The following HNRNPF variants were observed in gnomAD, a reference collection of about 807,000 sequenced individuals.
HNRNPF encodes heterogeneous nuclear ribonucleoprotein F.
HNRNPF carries 2 observed loss-of-function variants against 26.0 expected under a neutral mutation model. That is an observed-to-expected ratio of 0.08 (90% CI 0.03 to 0.24). The LOEUF is 0.24. HNRNPF is among the 10% of genes least tolerant of loss of function. HNRNPF has a pLI of 1.00. For missense variants in HNRNPF, 299 were observed against 539.2 expected, an observed-to-expected ratio of 0.55 and a Z score of 4.41; for synonymous variants, 234 against 211.5, an observed-to-expected ratio of 1.11 and a Z score of -0.92.
rs745877705 is a variant in HNRNPF, at chr10:43,386,613, G to A, written c.*24C>T. On this transcript the variant is annotated 3_prime_UTR_variant, in exon 4 of 4. Coordinates refer to ENST00000682386, the MANE Select transcript of HNRNPF (RefSeq NM_001098204.2). ...TTGGCTGCCTGTGAAAATGATTGAA[G>A]TAACTCAAATGTTCCTAACAAAACT... is the stretch of plus-strand genomic sequence containing the variant. 3 of 1,511,812 alleles carry A rather than the reference G, an allele frequency of 2.0e-6. No homozygotes were observed. The highest frequency in any genetic ancestry group is 1.4e-5 in the African/African-American group (1 of 71,578). The allele number at this position is 1,511,812 out of a possible 1,614,324, so 93.6% of individuals were successfully genotyped here.
At chr10:43,392,368 G>A (rs1036873417) in intron 3 of HNRNPF, among the ~76,000 whole-genome samples, 33 of 152,196 alleles carry the variant, frequency 2.2e-4, no homozygotes, top group Non-Finnish European at 1.8e-4. Context: ...GTGAAACCCC[G>A]TCTCTACTAA....
intron 1 of HNRNPF, among the ~76,000 whole-genome samples, chr10:43,406,898 T>G: frequency 6.6e-6 from 1 of 152,142 alleles, no homozygotes; most frequent in South Asian, 2.1e-4. Flanking sequence ...GCAATCTCTC[T>G]CTTAATATTC....
At chr10:43,389,610 G>A (rs186444503) in intron 3 of HNRNPF, among the ~76,000 whole-genome samples, 111 of 152,244 alleles carry the variant, frequency 7.3e-4, no homozygotes, top group African/African-American at 2.4e-3. Context: ...AAATTTACCT[G>A]TGTCTACACC....
At chr10:43,389,843 G>C (rs61860887) in intron 3 of HNRNPF, among the ~76,000 whole-genome samples, 4,253 of 152,312 alleles carry the variant, frequency 0.028, 96 homozygotes, top group South Asian at 0.041. Flanking sequence ...TCTGGGAAGA[G>C]AGTCAAGGGG....
At chr10:43,395,761 A>G (rs1838466692) in intron 2 of HNRNPF, among the ~76,000 whole-genome samples, 1 of 152,182 alleles carries the variant, frequency 6.6e-6, no homozygotes, top group Non-Finnish European at 1.5e-5. Flanking sequence ...GCCCTTGTTT[A>G]TCCCTGCGTG....
At chr10:43,389,934 T>C (rs1429720592) in intron 3 of HNRNPF, among the ~76,000 whole-genome samples, 5 of 152,216 alleles carry the variant, frequency 3.3e-5, no homozygotes, top group African/African-American at 1.2e-4. Context: ...AAAATAATCC[T>C]GAACGGCAAA....
At chr10:43,398,412 G>C (rs559060940) in intron 1 of HNRNPF, among the ~76,000 whole-genome samples, 55 of 150,048 alleles carry the variant, frequency 3.7e-4, no homozygotes, top group African/African-American at 1.3e-3. Flanking sequence ...CACGATCTCG[G>C]CTCACTGCAA....
intron 2 of HNRNPF, among the ~76,000 whole-genome samples, chr10:43,395,837 C>A (rs1378488993): frequency 1.3e-5 from 2 of 152,202 alleles, no homozygotes; most frequent in Non-Finnish European, 2.9e-5. Context: ...GACCCACGTA[C>A]ACCCATTTAC....
At chr10:43,398,344 G>GTTTTTT (rs71533061) in intron 1 of HNRNPF, among the ~76,000 whole-genome samples, 1 of 125,488 alleles carries the variant, frequency 8.0e-6, no homozygotes, top group African/African-American at 3.0e-5. Context: ...TGTTGTTGTT[G>GTTTTTT]TTTTTTTTTT....
chr10:43,400,963 T>C (rs543657134), intron 1 of HNRNPF, among the ~76,000 whole-genome samples: 10 of 152,180 alleles, frequency 6.6e-5, no homozygotes, highest in Admixed American at 2.0e-4. Flanking sequence ...GCACCTGTAG[T>C]CCCAGCTACT....
chr10:43,402,943 G>C (rs1838798595), intron 1 of HNRNPF, among the ~76,000 whole-genome samples: 1 of 151,874 alleles, frequency 6.6e-6, no homozygotes, highest in South Asian at 2.1e-4. Flanking sequence ...GTGGTATGCA[G>C]TACTGCAATC....
chr10:43,389,213 C>T (rs565727508), intron 3 of HNRNPF, among the ~76,000 whole-genome samples: 4 of 152,056 alleles, frequency 2.6e-5, no homozygotes, highest in Non-Finnish European at 5.9e-5. Flanking sequence ...CTCAGGTGAT[C>T]CGCCCACCTC....
At chr10:43,407,353 G>C (rs1287941641) in intron 1 of HNRNPF, among the ~76,000 whole-genome samples, 1 of 152,108 alleles carries the variant, frequency 6.6e-6, no homozygotes, top group Non-Finnish European at 1.5e-5. Context: ...AGGCGCGTCA[G>C]CTCGTCCCCG....
intron 1 of HNRNPF, among the ~76,000 whole-genome samples, chr10:43,408,406 C>A (rs1318747031): frequency 6.6e-6 from 1 of 152,188 alleles, no homozygotes; most frequent in Admixed American, 6.5e-5. Flanking sequence ...TTGCCGGTCC[C>A]ACGTACGGGC....
chr10:43,387,560 TGGCGCTGTC>T lies in HNRNPF; in HGVS notation c.316_324del (p.Asp106_Ala108del). ...CCTCGAAGCCGCACGAAGCCATCGTTGGCGCTGTCGGCACTGTTGGGACCACTGTGCTTC... is the reference window on the plus strand; with the variant it reads ...CCTCGAAGCCGCACGAAGCCATCGTTGGCACTGTTGGGACCACTGTGCTTC... On this transcript the variant is annotated inframe_deletion, in exon 4 of 4. Coordinates refer to ENST00000682386, the MANE Select transcript of HNRNPF (RefSeq NM_001098204.2). This position sits in a 1 kb window ranked among gnomAD's most constrained non-coding sequence, Gnocchi z 6.0. 6.2e-7 allele frequency: 1 copy of T among 1,614,202 alleles called. No individual in the cohort carries two copies. The highest frequency in any genetic ancestry group is 8.5e-7 in the Non-Finnish European group (1 of 1,180,018).
rs768669830 is a variant in HNRNPF at position 43,387,372 on chromosome 10, T to C, written c.513A>G (p.Lys171=). 14 of 1,614,068 alleles carry C rather than the reference T, an allele frequency of 8.7e-6. No homozygotes were observed. The South Asian group carries it at 9.9e-5, about 11-fold the overall frequency. The change falls in exon 4 of 4, where the codon AAA becomes AAG. Residue 171 remains lysine, a synonymous_variant. Coordinates refer to ENST00000682386, the MANE Select transcript of HNRNPF (RefSeq NM_001098204.2). The surrounding 1 kb of genome is among the most constrained non-coding windows in gnomAD (Gnocchi z 6.0). Reference sequence around the variant, plus strand: ...ACCTGTGCCCTATCCTCTCCTTGTGTTTCCCTAGAGCCTTCTCAGCTAACT... The same window carrying C: ...ACCTGTGCCCTATCCTCTCCTTGTGCTTCCCTAGAGCCTTCTCAGCTAACT... ...SQELAEKALG[K]HKERIGHRYI... is the part of the protein sequence containing the mutation.
chr10:43,404,301 T>TG (rs576325340), intron 1 of HNRNPF, among the ~76,000 whole-genome samples: 4 of 135,328 alleles, frequency 3.0e-5, no homozygotes, highest in African/African-American at 1.1e-4. Context: ...AATCCGTCTA[T>TG]AAAAAAAAAA....
intron 1 of HNRNPF, among the ~76,000 whole-genome samples, chr10:43,398,246 G>A (rs374774247): frequency 2.0e-5 from 3 of 151,918 alleles, no homozygotes; most frequent in Admixed American, 6.6e-5. Context: ...GGCTGGTCTC[G>A]ATATCTTGAC....
chr10:43,407,956 C>T (rs920436946), intron 1 of HNRNPF: 1 of 152,244 alleles, frequency 6.6e-6, no homozygotes, highest in African/African-American at 2.4e-5. Flanking sequence ...GACAAGGTCT[C>T]ATTTCCGTCG....
Sources: gnomAD v4.1 joint callset for allele counts (sites outside exome capture counted in the v4.1 genomes callset) on GRCh38, gnomAD v4.1.1 for gene constraint, Gnocchi (gnomAD v3.1) non-coding constraint, MANE v1.5 for transcripts, NCBI Gene and HGNC (gene_info 2026-07-23, HGNC 2026-07-21) for gene names.